The following COL18A1 variants were observed in gnomAD, a reference collection of about 807,000 sequenced individuals.
The protein encoded by COL18A1 is collagen alpha-1(XVIII) chain.
COL18A1 carries 133 observed loss-of-function variants against 168.0 expected under a neutral mutation model. That is an observed-to-expected ratio of 0.79 (90% CI 0.69 to 0.91). The LOEUF (loss-of-function observed/expected upper bound fraction) is 0.91, where lower values mean the gene tolerates loss of function less well. COL18A1 is among the 40% of genes least tolerant of loss of function. The probability of loss-of-function intolerance (pLI) is 0.00; values close to 1 mark genes in which losing one functional copy is unlikely to be tolerated. For synonymous variants in COL18A1, 949 were observed against 809.0 expected (o/e 1.17, Z -2.94); for missense variants, 2,126 against 1,925.4 (o/e 1.10, Z -1.95).
chr21:45,504,497 C>T lies in COL18A1; in HGVS notation c.2809C>T (p.Leu937=), dbSNP rs1446237193. The change falls in exon 34 of 42, where the codon CTG becomes TTG. Residue 937 remains leucine, a synonymous_variant. Transcript: ENST00000651438. ...PGGGGFFGSS[L]PGPPGPPGPP... ...GGGCGGCGGTTTCTTCGGCTCCAGC[C>T]TGCCCGGCCCCCCCGGCCCCCCAGG... is the stretch of plus-strand genomic sequence containing the variant. 1 of 1,516,400 alleles carries T rather than the reference C, an allele frequency of 6.6e-7. No homozygotes were observed. Among genetic ancestry groups the T allele is most frequent in the Non-Finnish European group, 8.8e-7 (1 of 1,141,960 alleles). The allele number at this position is 1,516,400 out of a possible 1,614,324, so 93.9% of individuals were successfully genotyped here.
Position 45,496,530 on chromosome 21 carries a change from C to G in COL18A1, c.2539C>G (p.Pro847Ala), listed in dbSNP as rs777349625. Residue 847 changes from proline (P) to alanine (A), a missense_variant, in exon 30 of 42, where the codon CCC becomes GCC. Transcript: ENST00000651438. ...GMPGPPGPPG[P>A]PGPPGTPVYD... ...GCCCGGCCCCCCAGGACCTCCAGGG[C>G]CCCCAGGCCCTCCAGGGACTCCTGT... is the stretch of plus-strand genomic sequence containing the variant. The G allele has an allele frequency of 6.6e-7, 1 of 1,523,552 alleles. No individual in the cohort carries two copies. The highest frequency in any genetic ancestry group is 9.1e-7 in the Non-Finnish European group (1 of 1,098,458). 94.4% of individuals were successfully genotyped at this position (1,523,552 alleles called of 1,614,324 possible). A position where few individuals can be genotyped will look rare whatever the true frequency, so the allele number is the denominator to read the frequency against.
intron 2 of COL18A1, among the ~76,000 whole-genome samples, chr21:45,417,547 C>T (rs960448477): frequency 6.6e-6 from 1 of 152,192 alleles, no homozygotes; most frequent in Non-Finnish European, 1.5e-5. Flanking sequence ...GGCCCAGCTG[C>T]CCTCTCTGTG....
At chr21:45,429,002 A>G (rs2033882955) in intron 2 of COL18A1, among the ~76,000 whole-genome samples, 3 of 151,500 alleles carry the variant, frequency 2.0e-5, no homozygotes, top group Non-Finnish European at 1.5e-5. Context: ...TCCCAGGTTC[A>G]ACTGATTCTT....
intron 2 of COL18A1, among the ~76,000 whole-genome samples, chr21:45,458,203 G>A (rs916216933): frequency 6.6e-6 from 1 of 151,824 alleles, no homozygotes; most frequent in Admixed American, 6.6e-5. Context: ...AGGAGTGGGG[G>A]CCCTTGTGGA....
intron 22 of COL18A1, among the ~76,000 whole-genome samples, chr21:45,492,160 G>C (rs7282827): frequency 1.3e-5 from 2 of 152,168 alleles, no homozygotes; most frequent in Non-Finnish European, 1.5e-5. Flanking sequence ...GACAGGCATC[G>C]GGAGGCAGGG....
chr21:45,476,240 A>AT (rs2035645102), intron 5 of COL18A1, 111 bp from the exon 6 acceptor site: 1 of 1,507,138 alleles, frequency 6.6e-7, no homozygotes, highest in Non-Finnish European at 9.0e-7. Context: ...GTTTCAGAGG[A>AT]TTTTTCTTTA....
chr21:45,415,118 C>T (rs2033404213), intron 2 of COL18A1, among the ~76,000 whole-genome samples: 2 of 152,160 alleles, frequency 1.3e-5, no homozygotes, highest in Non-Finnish European at 1.5e-5. Context: ...TCCCAGCAGC[C>T]AGAGGTGACA....
At chr21:45,466,081 AG>A (rs2035198528) in intron 2 of COL18A1, among the ~76,000 whole-genome samples, 1 of 152,016 alleles carries the variant, frequency 6.6e-6, no homozygotes, top group Non-Finnish European at 1.5e-5. Context: ...GCTGGGAGTG[AG>A]GGTCCTGGAA....
chr21:45,417,039 A>G (rs994329291), intron 2 of COL18A1, among the ~76,000 whole-genome samples: 14 of 152,100 alleles, frequency 9.2e-5, no homozygotes, highest in African/African-American at 3.4e-4. Flanking sequence ...TAGTTCCCTA[A>G]GTTATTTTTG....
intron 3 of COL18A1, among the ~76,000 whole-genome samples, chr21:45,472,079 G>A (rs2035452722): frequency 6.6e-6 from 1 of 152,190 alleles, no homozygotes. Flanking sequence ...CCACCTGTGG[G>A]GGGGTCAGGG....
chr21:45,474,008 G>A, intron 4 of COL18A1, 27 bp downstream of exon 4: 1 of 1,550,324 alleles, frequency 6.5e-7, no homozygotes, highest in Non-Finnish European at 8.8e-7. Context: ...GCACGGGTGG[G>A]GTCTCCCCTC....
intron 2 of COL18A1, among the ~76,000 whole-genome samples, chr21:45,451,539 C>G (rs1482295855): frequency 1.3e-5 from 2 of 152,200 alleles, no homozygotes; most frequent in Non-Finnish European, 2.9e-5. Flanking sequence ...TCCTCGCTGG[C>G]CTTCACAGGG....
rs774004664 is a variant in COL18A1, at chr21:45,509,619, G to C, written c.3495+18G>C. On this transcript the variant is annotated intron_variant, in intron 39 of 41. Transcript: ENST00000651438. ...AGCCGGTGGTGAGTGCCCCCCCAAA[G>C]TGGGCTTGGCTCCATCTAGCCCCTC... 2 of 1,368,370 alleles carry C rather than the reference G, an allele frequency of 1.5e-6. No individual in the cohort carries two copies. The highest frequency in any genetic ancestry group is 5.0e-5 in the East Asian group (2 of 40,196). The allele number at this position is 1,368,370 out of a possible 1,614,324, so 84.8% of individuals were successfully genotyped here. A position where few individuals can be genotyped will look rare whatever the true frequency, so the allele number is the denominator to read the frequency against.
intron 18 of COL18A1, among the ~76,000 whole-genome samples, chr21:45,489,100 A>G (rs1448385325): frequency 4.3e-4 from 66 of 152,168 alleles, no homozygotes; most frequent in Admixed American, 2.0e-4. Flanking sequence ...AGCCCCTGCC[A>G]TGGCACCTGC....
At chr21:45,405,304 G>GCT in intron 1 of COL18A1, 63 bp downstream of exon 1, 1 of 822,260 alleles carries the variant, frequency 1.2e-6, no homozygotes. Flanking sequence ...GGGTCGCGGG[G>GCT]GTCGCGGGGC....
At chr21:45,455,365 C>G (rs966125377) in intron 2 of COL18A1, 2 of 960,410 alleles carry the variant, frequency 2.1e-6, no homozygotes, top group Non-Finnish European at 3.1e-6. Context: ...CACCTTGATT[C>G]CAAGGCTGGT....
chr21:45,510,303 C>T, intron 40 of COL18A1, 42 bp downstream of exon 40: 1 of 1,553,918 alleles, frequency 6.4e-7, no homozygotes, highest in Non-Finnish European at 8.7e-7. Context: ...CCTCGGCCCC[C>T]ACTTGACCTC....
At position 45,455,561 on chromosome 21, in the gene COL18A1, C is replaced by T; in HGVS notation, c.107-12681C>T. 6.2e-7 allele frequency: 1 copy of T among 1,613,782 alleles called. No individual in the cohort carries two copies. The highest frequency in any genetic ancestry group is 8.5e-7 in the Non-Finnish European group (1 of 1,179,964). On this transcript the variant is annotated intron_variant, in intron 2 of 41. Transcript: ENST00000651438. ...TCCCTACCCCTGTGGCTGCCACATC[C>T]TGCTGCTGCTCTTCTGCTGCCTGGC...
intron 28 of COL18A1, 46 bp downstream of exon 28, chr21:45,494,961 A>AGG (rs766568284): frequency 3.2e-6 from 5 of 1,554,222 alleles, no homozygotes; most frequent in Non-Finnish European, 3.5e-6. Context: ...GGGGTCTGGC[A>AGG]GGTGGGGAGC....
Sources: allele counts gnomAD v4.1 joint callset (sites outside exome capture counted in the v4.1 genomes callset), GRCh38; gene constraint gnomAD v4.1.1; transcripts MANE v1.5; gene names NCBI Gene and HGNC (gene_info 2026-07-23, HGNC 2026-07-21).